Variants in ARAP2 observed in about 807,000 individuals in gnomAD.
ARAP2 encodes the protein arf-GAP with Rho-GAP domain, ANK repeat and PH domain-containing protein 2.
A neutral mutation model predicts 194.5 loss-of-function variants in ARAP2; 148 were observed. The ratio of observed to expected loss-of-function variants is 0.76; its 90% CI spans 0.67 to 0.87. The LOEUF is 0.87. Among genes scored for constraint, ARAP2 ranks in the 40% least tolerant of loss-of-function variants. The pLI, the probability that ARAP2 is intolerant of heterozygous loss-of-function variation, is 0.00. For synonymous variants in ARAP2, 695 were observed against 683.5 expected, an observed-to-expected ratio of 1.02 and a Z score of -0.26; for missense variants, 2,128 against 1,989.7, an observed-to-expected ratio of 1.07 and a Z score of -1.32.
At chr4:36,154,800 C>T (rs1288209667) in intron 15 of ARAP2, among the ~76,000 whole-genome samples, 1 of 152,178 alleles carries the variant, frequency 6.6e-6, no homozygotes, top group African/African-American at 2.4e-5. Context: ...CTGACAAGTG[C>T]TGATGGAGTG....
intron 2 of ARAP2, among the ~76,000 whole-genome samples, chr4:36,055,333 A>ATTTATT (rs1271424542): frequency 6.6e-6 from 1 of 152,142 alleles, no homozygotes; most frequent in East Asian, 1.9e-4. Context: ...CACACTGTTT[A>ATTTATT]TTTATTCATG....
At position 36,229,847 on chromosome 4, in the gene ARAP2, A is replaced by T. The variant is rs185660371; in HGVS notation, c.-159-202T>A. Among the ~76,000 whole-genome samples the T allele has an allele frequency of 2.2e-3, 329 of 152,330 alleles. 3 individuals are homozygous for T. The highest frequency in any genetic ancestry group is 2.9e-3 in the Non-Finnish European group (200 of 68,036). ...AGGACAGAAATGCTATGACAGCATC[A>T]AACTATGACTTTCAAAAAGGTGAAA... On this transcript the variant is annotated intron_variant, in intron 1 of 32. Transcript: ENST00000303965.
intron 16 of ARAP2, among the ~76,000 whole-genome samples, chr4:36,149,578 T>C (rs1193044555): frequency 6.6e-6 from 1 of 152,218 alleles, no homozygotes; most frequent in Non-Finnish European, 1.5e-5. Context: ...GTATCAGTAA[T>C]GTTATCAAGA....
chr4:36,158,912 A>AAAGGAAAATTG, intron 14 of ARAP2, 48 bp from the exon 15 acceptor site: 1 of 1,533,580 alleles, frequency 6.5e-7, no homozygotes. Flanking sequence ...AATGTAAACA[A>AAAGGAAAATTG]TTTTCCTTTT....
intron 3 of ARAP2, among the ~76,000 whole-genome samples, chr4:36,049,310 T>C (rs953942061): frequency 6.6e-6 from 1 of 152,200 alleles, no homozygotes; most frequent in Non-Finnish European, 1.5e-5. Flanking sequence ...AAAAGAAATG[T>C]ATTCAATCAT....
At chr4:36,041,352 A>T (rs1443501227) in intron 5 of ARAP2, among the ~76,000 whole-genome samples, 1 of 152,204 alleles carries the variant, frequency 6.6e-6, no homozygotes, top group Non-Finnish European at 1.5e-5. Flanking sequence ...ATACAAGCCC[A>T]TTAAAAAGAG....
Position 36,101,205 on chromosome 4 carries a change from T to C in ARAP2, c.4285+6360A>G, listed in dbSNP as rs887708899. 4.6e-5 allele frequency among the ~76,000 whole-genome samples: 7 copies of C among 152,014 alleles called. No homozygotes were observed. The South Asian group carries it at 1.5e-3, about 32-fold the overall frequency. ...GATTTTGGTATCCACGACAAGCAGG[T>C]GGCAGGGGGGAGACGTGGTAGTGTC... On this transcript the variant is annotated intron_variant, in intron 27 of 32. Coordinates refer to ENST00000303965, the MANE Select transcript of ARAP2 (RefSeq NM_015230.4).
chr4:36,105,137 T>C (rs982698767), intron 27 of ARAP2, among the ~76,000 whole-genome samples: 18 of 152,040 alleles, frequency 1.2e-4, no homozygotes, highest in Admixed American at 5.9e-4. Flanking sequence ...CTGGCTAACA[T>C]GGTGAAAGCC....
At chr4:36,119,511 C>T in intron 24 of ARAP2, 139 bp downstream of exon 24, 2 of 507,204 alleles carry the variant, frequency 3.9e-6, no homozygotes, top group South Asian at 4.3e-5. Flanking sequence ...AATTACACAA[C>T]CAATTAGTTT....
chr4:36,150,785 T>C, intron 16 of ARAP2, 115 bp downstream of exon 16: 4 of 1,173,200 alleles, frequency 3.4e-6, no homozygotes, highest in Non-Finnish European at 4.8e-6. Flanking sequence ...TCAAAAACCA[T>C]TCAACCCTTC....
intron 8 of ARAP2, among the ~76,000 whole-genome samples, chr4:36,014,296 AGAAGAGAAGGAAGGAAAGAAAGAAAGAG>A (rs1715253297): frequency 7.2e-6 from 1 of 138,470 alleles, no homozygotes; most frequent in African/African-American, 2.9e-5. Context: ...AAAGAAAGAA[AGAAGAGAAGGAAGGAAAGAAAGAAAGAG>A]AGAAAGAAAG....
intron 6 of ARAP2, among the ~76,000 whole-genome samples, chr4:36,200,549 C>T (rs1744155435): frequency 6.6e-6 from 1 of 152,124 alleles, no homozygotes; most frequent in Non-Finnish European, 1.5e-5. Flanking sequence ...GCCACCGTGC[C>T]CGGCCTCCTC....
rs1239315590 is a variant in ARAP2, at chr4:36,229,148, C to G, written c.339G>C (p.Gln113His). 6.2e-7 allele frequency: 1 copy of G among 1,614,126 alleles called. No homozygotes were observed. The highest frequency in any genetic ancestry group is 8.5e-7 in the Non-Finnish European group (1 of 1,180,024). Residue 113 changes from glutamine to histidine, a missense_variant, in exon 2 of 33, where the codon CAG (glutamine) becomes CAC (histidine). Gln to His is a conservative substitution (Grantham distance 24, BLOSUM62 0). Coordinates refer to ENST00000303965, the MANE Select transcript of ARAP2 (RefSeq NM_015230.4). Reference protein sequence around the residue: ...CIELSNSGSVQTSSPPQLETV... With the variant: ...CIELSNSGSVHTSSPPQLETV... ...TCTCCAACTGCGGTGGGCTAGATGT[C>G]TGAACACTACCAGAATTGGAAAGTT... is the stretch of plus-strand genomic sequence containing the variant.
intron 6 of ARAP2, among the ~76,000 whole-genome samples, chr4:36,204,182 T>C (rs922204538): frequency 6.6e-6 from 1 of 152,072 alleles, no homozygotes; most frequent in Non-Finnish European, 1.5e-5. Flanking sequence ...AGAAAAGTAA[T>C]TGAAGAATAA....
At chr4:36,124,330 T>C (rs1723369607) in intron 22 of ARAP2, among the ~76,000 whole-genome samples, 1 of 151,852 alleles carries the variant, frequency 6.6e-6, no homozygotes, top group African/African-American at 2.4e-5. Flanking sequence ...AAACTAGTTT[T>C]GACTTAAAAG....
chr4:36,199,934 C>T (rs1021959821), intron 6 of ARAP2, among the ~76,000 whole-genome samples: 5 of 152,264 alleles, frequency 3.3e-5, no homozygotes, highest in Admixed American at 2.0e-4. Flanking sequence ...CAAATCATCA[C>T]ACTGTATACC....
At chr4:36,011,768 T>C (rs1305329456) in intron 9 of ARAP2, among the ~76,000 whole-genome samples, 2 of 152,096 alleles carry the variant, frequency 1.3e-5, no homozygotes, top group Non-Finnish European at 2.9e-5. Flanking sequence ...GAAGTATATA[T>C]CACAGTTTTA....
chr4:36,175,577 T>C (rs1737701851), intron 9 of ARAP2, among the ~76,000 whole-genome samples: 1 of 152,078 alleles, frequency 6.6e-6, no homozygotes, highest in Admixed American at 6.6e-5. Flanking sequence ...CCTGAATCTA[T>C]ATGATATAAT....
chr4:36,238,046 T>C (rs75734055), intron 1 of ARAP2, among the ~76,000 whole-genome samples: 3,107 of 152,262 alleles, frequency 0.02, 67 homozygotes, highest in African/African-American at 0.05. Context: ...CCAGAAAAAG[T>C]ATAAAACTGG....
Sources: gnomAD v4.1 joint callset for allele counts (sites outside exome capture counted in the v4.1 genomes callset) on GRCh38, gnomAD v4.1.1 for gene constraint, MANE v1.5 for transcripts, NCBI Gene and HGNC (gene_info 2026-07-23, HGNC 2026-07-21) for gene names.